The following ZNF804A variants were observed in gnomAD, a reference collection of about 807,000 sequenced individuals.
ZNF804A encodes the protein zinc finger protein 804A.
ZNF804A carries 2 observed loss-of-function variants against 16.5 expected under a neutral mutation model. The observed-to-expected ratio is 0.12, with a 90% CI of 0.05 to 0.38. The LOEUF (loss-of-function observed/expected upper bound fraction) is 0.38, where lower values mean the gene tolerates loss of function less well. Among genes scored for constraint, ZNF804A ranks in the 10% least tolerant of loss-of-function variants. The pLI, the probability that ZNF804A is intolerant of heterozygous loss-of-function variation, is 0.99. For missense variants in ZNF804A, 1,473 were observed against 1,390.7 expected, an observed-to-expected ratio of 1.06 and a Z score of -0.94; for synonymous variants, 534 against 489.6, an observed-to-expected ratio of 1.09 and a Z score of -1.20.
intron 1 of ZNF804A, among the ~76,000 whole-genome samples, chr2:184,808,152 C>T (rs1177844061): frequency 6.6e-6 from 1 of 151,382 alleles, no homozygotes; most frequent in Non-Finnish European, 1.5e-5. Context: ...CATTTATTTA[C>T]ACATTACAGA....
intron 1 of ZNF804A, among the ~76,000 whole-genome samples, chr2:184,713,155 T>C (rs1320517190): frequency 1.3e-5 from 2 of 151,792 alleles, no homozygotes; most frequent in Non-Finnish European, 2.9e-5. Context: ...ACAGACTGGC[T>C]TCAATAGTAA....
At position 184,796,371 on chromosome 2, in the gene ZNF804A, G is replaced by A. The variant is rs771943837; in HGVS notation, c.112-69998G>A. Among the ~76,000 whole-genome samples the A allele has an allele frequency of 2.6e-5, 4 of 151,736 alleles. No individual in the cohort carries two copies. In the East Asian group the frequency reaches 7.7e-4, roughly 29 times the overall value. ...CTGGAATTTTGTTGTTGTTGTTGTCGGTAATTTTTCAATTACCATTTCAAT... is the reference window on the plus strand; with the variant it reads ...CTGGAATTTTGTTGTTGTTGTTGTCAGTAATTTTTCAATTACCATTTCAAT... On this transcript the variant is annotated intron_variant, in intron 1 of 3. Transcript: ENST00000302277.
intron 1 of ZNF804A, among the ~76,000 whole-genome samples, chr2:184,769,881 C>A (rs1277197711): frequency 3.3e-5 from 5 of 151,976 alleles, no homozygotes. Flanking sequence ...TTCAAGAAAG[C>A]ATTTTTTTAG....
chr2:184,895,167 C>G (rs1003933762), intron 2 of ZNF804A, among the ~76,000 whole-genome samples: 3 of 151,864 alleles, frequency 2.0e-5, no homozygotes, highest in African/African-American at 7.2e-5. Context: ...TCTAGTCCAA[C>G]AAGCTGAAGC....
In ZNF804A at chr2:184,891,434, T is replaced by C. The variant is rs576058014; in HGVS notation, c.255+24922T>C. On this transcript the variant is annotated intron_variant, in intron 2 of 3. Transcript: ENST00000302277. Reference sequence around the variant, plus strand: ...CTCTACAGAAGTCTTCTAAACTTAGTTAAAATCATAATGGAATGCTTAATA... The same window carrying C: ...CTCTACAGAAGTCTTCTAAACTTAGCTAAAATCATAATGGAATGCTTAATA... Among the ~76,000 whole-genome samples, 8 of 152,274 alleles carry C rather than the reference T, an allele frequency of 5.3e-5. No homozygotes were observed. In the East Asian group the frequency reaches 1.5e-3, roughly 29 times the overall value.
At chr2:184,702,239 AAT>A (rs1308302664) in intron 1 of ZNF804A, among the ~76,000 whole-genome samples, 1 of 151,990 alleles carries the variant, frequency 6.6e-6, no homozygotes, top group Non-Finnish European at 1.5e-5. Context: ...CATTTCCTTC[AAT>A]AATCTGTCAA....
At chr2:184,806,664 G>A (rs1481637342) in intron 1 of ZNF804A, among the ~76,000 whole-genome samples, 1 of 151,694 alleles carries the variant, frequency 6.6e-6, no homozygotes. Flanking sequence ...CTATCATTAA[G>A]TAATGCATAT....
chr2:184,695,990 A>C (rs1490196681), intron 1 of ZNF804A, among the ~76,000 whole-genome samples: 1 of 152,162 alleles, frequency 6.6e-6, no homozygotes, highest in Non-Finnish European at 1.5e-5. Context: ...ACATGATGTG[A>C]GTTCTAACCA....
At chr2:184,866,650 T>G (rs1695881175) in intron 2 of ZNF804A, 138 bp downstream of exon 2, 1 of 725,224 alleles carries the variant, frequency 1.4e-6, no homozygotes, top group Non-Finnish European at 2.0e-6. Context: ...CATTCTGGGA[T>G]GATAATTTGA....
At chr2:184,778,683 G>A (rs1197407818) in intron 1 of ZNF804A, among the ~76,000 whole-genome samples, 1 of 151,580 alleles carries the variant, frequency 6.6e-6, no homozygotes, top group Non-Finnish European at 1.5e-5. Context: ...GCAACACCAG[G>A]CATTCTTTAA....
At chr2:184,831,000 A>G (rs1185944710) in intron 1 of ZNF804A, among the ~76,000 whole-genome samples, 1 of 152,126 alleles carries the variant, frequency 6.6e-6, no homozygotes, top group Admixed American at 6.6e-5. Context: ...GCTAGAATAA[A>G]GCTCTGCAAC....
chr2:184,922,353 T>G (rs1389433071), intron 2 of ZNF804A, among the ~76,000 whole-genome samples: 1 of 152,070 alleles, frequency 6.6e-6, no homozygotes, highest in African/African-American at 2.4e-5. Flanking sequence ...TAATAGTCAA[T>G]GATGTTGAGC....
At chr2:184,693,871 A>T (rs1272845833) in intron 1 of ZNF804A, among the ~76,000 whole-genome samples, 1 of 151,340 alleles carries the variant, frequency 6.6e-6, no homozygotes, top group Non-Finnish European at 1.5e-5. Context: ...ACCTAATCTC[A>T]TGAATACTCA....
chr2:184,879,664 A>G (rs528451109), intron 2 of ZNF804A, among the ~76,000 whole-genome samples: 7 of 152,142 alleles, frequency 4.6e-5, no homozygotes, highest in Admixed American at 1.3e-4. Flanking sequence ...TGGAAATCAG[A>G]AATTTAGGGA....
At chr2:184,811,611 G>C (rs1386327743) in intron 1 of ZNF804A, among the ~76,000 whole-genome samples, 1 of 152,136 alleles carries the variant, frequency 6.6e-6, no homozygotes, top group Non-Finnish European at 1.5e-5. Flanking sequence ...TACTGAGGAG[G>C]CTGAGGCAAG....
intron 1 of ZNF804A, among the ~76,000 whole-genome samples, chr2:184,775,719 T>G (rs1694275726): frequency 1.3e-5 from 2 of 151,654 alleles, no homozygotes; most frequent in Non-Finnish European, 3.0e-5. Flanking sequence ...ACTTAGTATC[T>G]GTAATGCCAT....
chr2:184,629,894 G>A (rs949631476), intron 1 of ZNF804A, among the ~76,000 whole-genome samples: 6 of 152,118 alleles, frequency 3.9e-5, no homozygotes, highest in Admixed American at 3.9e-4. Flanking sequence ...GGGGATAAAA[G>A]TATGAATTAG....
At chr2:184,724,401 A>G (rs1386567026) in intron 1 of ZNF804A, among the ~76,000 whole-genome samples, 2 of 151,736 alleles carry the variant, frequency 1.3e-5, no homozygotes, top group African/African-American at 4.8e-5. Context: ...GATATTTCCC[A>G]TAGGAAGCAC....
intron 1 of ZNF804A, among the ~76,000 whole-genome samples, chr2:184,761,885 G>A (rs1574199763): frequency 6.6e-6 from 1 of 152,022 alleles, no homozygotes. Flanking sequence ...TTTACCTCAG[G>A]TCCCTGATGA....
Sources: gnomAD v4.1 joint callset for allele counts (sites outside exome capture counted in the v4.1 genomes callset) on GRCh38, gnomAD v4.1.1 for gene constraint, MANE v1.5 for transcripts, NCBI Gene and HGNC (gene_info 2026-07-23, HGNC 2026-07-21) for gene names.